The following MGMT variants were observed in gnomAD, a reference collection of about 807,000 sequenced individuals.
MGMT encodes the protein methylated-DNA--protein-cysteine methyltransferase.
MGMT carries 14 observed loss-of-function variants against 15.9 expected under a neutral mutation model. The observed-to-expected ratio is 0.88, with a 90% CI of 0.58 to 1.37. MGMT has a LOEUF of 1.37. Ranked by LOEUF, MGMT falls within the 40% of genes most tolerant of loss-of-function variation. The pLI is 0.00. For synonymous variants in MGMT, 130 were observed against 118.2 expected, an observed-to-expected ratio of 1.10 and a Z score of -0.65; for missense variants, 282 against 268.1, an observed-to-expected ratio of 1.05 and a Z score of -0.36.
At chr10:129,646,149 T>G (rs932404630) in intron 2 of MGMT, among the ~76,000 whole-genome samples, 42 of 152,120 alleles carry the variant, frequency 2.8e-4, no homozygotes, top group African/African-American at 9.4e-4. Flanking sequence ...ACTAAGAGCC[T>G]CCCAGTGTTC....
chr10:129,473,091 A>G (rs1845250783), intron 1 of MGMT, among the ~76,000 whole-genome samples: 1 of 152,140 alleles, frequency 6.6e-6, no homozygotes, highest in Admixed American at 6.5e-5. Context: ...GACATTATTC[A>G]TCTGTTATAT....
At chr10:129,617,369 T>C (rs1847039776) in intron 2 of MGMT, among the ~76,000 whole-genome samples, 3 of 152,250 alleles carry the variant, frequency 2.0e-5, no homozygotes, top group African/African-American at 7.2e-5. Context: ...TTTACTATTA[T>C]GAATAGTGCT....
intron 1 of MGMT, among the ~76,000 whole-genome samples, chr10:129,528,777 C>T (rs2119743388): frequency 6.6e-6 from 1 of 152,252 alleles, no homozygotes; most frequent in Admixed American, 6.5e-5. Flanking sequence ...ACAGCTCCAG[C>T]CATCACATCT....
chr10:129,665,560 G>A (rs1350894249), intron 2 of MGMT, among the ~76,000 whole-genome samples: 1 of 152,060 alleles, frequency 6.6e-6, no homozygotes, highest in African/African-American at 2.4e-5. Flanking sequence ...AGGACTGACT[G>A]TGGGAGGCAA....
intron 2 of MGMT, among the ~76,000 whole-genome samples, chr10:129,679,865 A>G (rs1483772531): frequency 6.6e-6 from 1 of 152,196 alleles, no homozygotes; most frequent in Admixed American, 6.5e-5. Flanking sequence ...AGTTATAGAG[A>G]GAACTCCTAT....
At chr10:129,687,196 G>T (rs1847914172) in intron 2 of MGMT, among the ~76,000 whole-genome samples, 1 of 150,252 alleles carries the variant, frequency 6.7e-6, no homozygotes, top group Non-Finnish European at 1.5e-5. Flanking sequence ...AATCCATTTG[G>T]AATTTTTCTT....
At position 129,769,962 on chromosome 10, in the gene MGMT, G is replaced by T. The variant is rs1352346938; in HGVS notation, c.*2965G>T. Among the ~76,000 whole-genome samples the T allele has an allele frequency of 1.3e-5, 2 of 152,236 alleles. No individual in the cohort carries two copies. Among genetic ancestry groups the T allele is most frequent in the African/African-American group, 4.8e-5 (2 of 41,540 alleles). On this transcript the variant is annotated 3_prime_UTR_variant, in exon 5 of 5. Transcript: ENST00000651593. Reference sequence around the variant, plus strand: ...GGCACCGGGCGTTGCAGAGGAAGTGGGCAAGCTCACCTTGTAGAGAACTTA... The same window carrying T: ...GGCACCGGGCGTTGCAGAGGAAGTGTGCAAGCTCACCTTGTAGAGAACTTA...
chr10:129,468,469 C>G (rs923670414), intron 1 of MGMT, among the ~76,000 whole-genome samples: 4 of 152,026 alleles, frequency 2.6e-5, no homozygotes, highest in Admixed American at 6.6e-5. Flanking sequence ...CCTGGGCCCT[C>G]TGTCTCGGGT....
At position 129,767,205 on chromosome 10, in the gene MGMT, C is replaced by T. The variant is rs529218148; in HGVS notation, c.*208C>T. The T allele has an allele frequency of 4.8e-5, 24 of 497,408 alleles. No individual in the cohort carries two copies. In the South Asian group the frequency reaches 6.8e-4, roughly 14 times the overall value. 30.8% of individuals were successfully genotyped at this position (497,408 alleles called of 1,614,324 possible). A position where few individuals can be genotyped will look rare whatever the true frequency, so the allele number is the denominator to read the frequency against. ...GTTTCCTTCTCTAACGCTGCCCTTG[C>T]TCTATTTTTCATGTCCATTAAAACA... On this transcript the variant is annotated 3_prime_UTR_variant, in exon 5 of 5. Coordinates refer to ENST00000651593, the MANE Select transcript of MGMT (RefSeq NM_002412.5).
intron 2 of MGMT, among the ~76,000 whole-genome samples, chr10:129,615,855 G>A (rs1847019157): frequency 6.6e-6 from 1 of 152,146 alleles, no homozygotes; most frequent in Admixed American, 6.5e-5. Flanking sequence ...TATAAGAAGA[G>A]CTGCCCACGG....
chr10:129,576,070 G>A (rs989637244), intron 2 of MGMT, among the ~76,000 whole-genome samples: 1 of 152,136 alleles, frequency 6.6e-6, no homozygotes, highest in Non-Finnish European at 1.5e-5. Flanking sequence ...AAAAGTCCAG[G>A]ACCATATGGA....
intron 3 of MGMT, among the ~76,000 whole-genome samples, chr10:129,739,101 G>C (rs904086925): frequency 6.6e-6 from 1 of 152,204 alleles, no homozygotes; most frequent in Non-Finnish European, 1.5e-5. Flanking sequence ...ACAAAATTCA[G>C]CAGCGCTTCA....
intron 2 of MGMT, among the ~76,000 whole-genome samples, chr10:129,606,868 C>T (rs145765116): frequency 6.4e-4 from 97 of 152,294 alleles, no homozygotes; most frequent in African/African-American, 2.2e-3. Context: ...AACTTTCTGT[C>T]TTGAGCATAA....
intron 2 of MGMT, among the ~76,000 whole-genome samples, chr10:129,628,937 C>T (rs539282943): frequency 1.3e-5 from 2 of 152,280 alleles, no homozygotes; most frequent in South Asian, 2.1e-4. Flanking sequence ...CATTGAAACT[C>T]AAAGACAGCA....
intron 2 of MGMT, among the ~76,000 whole-genome samples, chr10:129,688,651 C>T (rs1847936885): frequency 6.6e-6 from 1 of 152,028 alleles, no homozygotes; most frequent in Non-Finnish European, 1.5e-5. Context: ...TCGCCTGTTC[C>T]CTCTGATGGT....
intron 2 of MGMT, among the ~76,000 whole-genome samples, chr10:129,613,664 A>C (rs1846987701): frequency 6.6e-6 from 1 of 152,250 alleles, no homozygotes; most frequent in Admixed American, 6.5e-5. Context: ...TAAAACATTT[A>C]CCATTTAAAT....
At chr10:129,526,956 G>A (rs959067344) in intron 1 of MGMT, among the ~76,000 whole-genome samples, 5 of 152,192 alleles carry the variant, frequency 3.3e-5, no homozygotes, top group African/African-American at 7.2e-5. Context: ...TTTTTCCAGA[G>A]GTCTCCAAAT....
chr10:129,582,713 C>T (rs1043557389), intron 2 of MGMT, among the ~76,000 whole-genome samples: 1 of 151,970 alleles, frequency 6.6e-6, no homozygotes, highest in African/African-American at 2.4e-5. Context: ...GGCAGTTTCC[C>T]CCTTCGGATA....
At chr10:129,683,251 G>A (rs1348635320) in intron 2 of MGMT, among the ~76,000 whole-genome samples, 2 of 152,226 alleles carry the variant, frequency 1.3e-5, no homozygotes, top group East Asian at 3.9e-4. Context: ...AAGTGCCTGC[G>A]TAGGAGTACG....
Sources: gnomAD v4.1 joint callset for allele counts (sites outside exome capture counted in the v4.1 genomes callset) on GRCh38, gnomAD v4.1.1 for gene constraint, MANE v1.5 for transcripts, NCBI Gene and HGNC (gene_info 2026-07-23, HGNC 2026-07-21) for gene names.